PTCHD4: variants seen among roughly 807,000 people sequenced by gnomAD.
The protein encoded by PTCHD4 is patched domain containing 4.
A neutral mutation model predicts 58.1 loss-of-function variants in PTCHD4; 33 were observed. The ratio of observed to expected loss-of-function variants is 0.57; its 90% CI spans 0.43 to 0.76. The LOEUF (loss-of-function observed/expected upper bound fraction) is 0.76, where lower values mean the gene tolerates loss of function less well. PTCHD4 is among the 30% of genes least tolerant of loss of function. The pLI is 0.00. For synonymous variants in PTCHD4, 478 were observed against 409.6 expected, an observed-to-expected ratio of 1.17 and a Z score of -2.02; for missense variants, 1,058 against 1,027.1, an observed-to-expected ratio of 1.03 and a Z score of -0.41.
intron 3 of PTCHD4, among the ~76,000 whole-genome samples, chr6:48,062,488 C>T (rs906808856): frequency 4.6e-5 from 7 of 151,840 alleles, no homozygotes; most frequent in Non-Finnish European, 1.0e-4. Context: ...CTCTTTTAAT[C>T]CTTGACTTAG....
At chr6:48,075,345 T>A (rs1765043003) in intron 1 of PTCHD4, among the ~76,000 whole-genome samples, 1 of 152,038 alleles carries the variant, frequency 6.6e-6, no homozygotes, top group South Asian at 2.1e-4. Flanking sequence ...TATAAATGAA[T>A]CATAAGTATG....
chr6:47,944,429 T>C (rs2113931574), intron 4 of PTCHD4, among the ~76,000 whole-genome samples: 1 of 152,222 alleles, frequency 6.6e-6, no homozygotes, highest in East Asian at 1.9e-4. Flanking sequence ...AAAATTGCCC[T>C]TAAAGAATAA....
intron 3 of PTCHD4, among the ~76,000 whole-genome samples, chr6:48,018,344 C>G (rs961585190): frequency 1.3e-5 from 2 of 152,102 alleles, no homozygotes; most frequent in African/African-American, 4.8e-5. Flanking sequence ...GTTAATGATT[C>G]ATTGGTGGTA....
intron 3 of PTCHD4, among the ~76,000 whole-genome samples, chr6:48,018,426 A>G (rs925665230): frequency 6.6e-6 from 1 of 152,226 alleles, no homozygotes; most frequent in Non-Finnish European, 1.5e-5. Context: ...AATAAAAAGG[A>G]AGGGAAAACA....
At chr6:47,948,126 AGG>A (rs1280214998) in intron 4 of PTCHD4, among the ~76,000 whole-genome samples, 1 of 152,184 alleles carries the variant, frequency 6.6e-6, no homozygotes, top group South Asian at 2.1e-4. Flanking sequence ...GAGCTAGGGA[AGG>A]GTCCATTTCC....
intron 4 of PTCHD4, among the ~76,000 whole-genome samples, chr6:47,964,956 A>G (rs2113975786): frequency 6.6e-6 from 1 of 152,300 alleles, no homozygotes; most frequent in South Asian, 2.1e-4. Context: ...TTTTGGCAAT[A>G]AAATACTTTC....
chr6:48,092,130 A>C (rs2113903383), intron 1 of PTCHD4, among the ~76,000 whole-genome samples: 1 of 152,332 alleles, frequency 6.6e-6, no homozygotes, highest in African/African-American at 2.4e-5. Context: ...TACCCTGAAC[A>C]AAAATGATTC....
At chr6:47,990,228 G>A (rs1470364719) in intron 4 of PTCHD4, among the ~76,000 whole-genome samples, 1 of 152,154 alleles carries the variant, frequency 6.6e-6, no homozygotes, top group African/African-American at 2.4e-5. Flanking sequence ...CAGGATCATA[G>A]GCGGAAGGGA....
At chr6:48,085,845 C>G (rs187652182) in intron 1 of PTCHD4, among the ~76,000 whole-genome samples, 1 of 151,988 alleles carries the variant, frequency 6.6e-6, no homozygotes, top group Non-Finnish European at 1.5e-5. Flanking sequence ...GGATGTGATG[C>G]GTGCTTAGTC....
chr6:47,943,789 G>A (rs1048336450), intron 4 of PTCHD4, among the ~76,000 whole-genome samples: 3 of 151,956 alleles, frequency 2.0e-5, no homozygotes, highest in Admixed American at 6.6e-5. Flanking sequence ...CTTTCCCCTG[G>A]TTTAGGTTAG....
intron 4 of PTCHD4, among the ~76,000 whole-genome samples, chr6:47,950,365 C>T (rs1766596324): frequency 6.6e-6 from 1 of 152,046 alleles, no homozygotes; most frequent in African/African-American, 2.4e-5. Context: ...ATTACAGAGG[C>T]TCAGGTGAGC....
chr6:47,964,312 G>A (rs956123479), intron 4 of PTCHD4, among the ~76,000 whole-genome samples: 4 of 151,532 alleles, frequency 2.6e-5, no homozygotes, highest in African/African-American at 9.8e-5. Flanking sequence ...CATGTTAAGT[G>A]TTATTACCAC....
At chr6:48,040,340 T>A (rs1007935862) in intron 3 of PTCHD4, among the ~76,000 whole-genome samples, 1 of 152,052 alleles carries the variant, frequency 6.6e-6, no homozygotes, top group Admixed American at 6.6e-5. Context: ...CAAGTGTTCA[T>A]CCTAACTTTT....
At chr6:47,912,096 T>C (rs1004848243) in intron 4 of PTCHD4, among the ~76,000 whole-genome samples, 1 of 152,044 alleles carries the variant, frequency 6.6e-6, no homozygotes. Context: ...GAATAGAGAA[T>C]TGACCATTTG....
chr6:47,892,515 A>T (rs1764411499), intron 4 of PTCHD4, among the ~76,000 whole-genome samples: 1 of 152,228 alleles, frequency 6.6e-6, no homozygotes, highest in East Asian at 1.9e-4. Context: ...TGAATTTAAC[A>T]GTTCATTAAT....
intron 3 of PTCHD4, among the ~76,000 whole-genome samples, chr6:48,031,179 A>C (rs763232609): frequency 2.0e-5 from 3 of 152,050 alleles, no homozygotes; most frequent in Non-Finnish European, 2.9e-5. Flanking sequence ...ATCTAGTCTA[A>C]TTCTAATCAC....
chr6:47,869,625 T>A lies in PTCHD4; in HGVS notation c.*8678A>T, dbSNP rs1293791564. Among the ~76,000 whole-genome samples, 1 of 151,630 alleles carries A rather than the reference T, an allele frequency of 6.6e-6. No homozygotes were observed. Among genetic ancestry groups the A allele is most frequent in the African/African-American group, 2.4e-5 (1 of 41,372 alleles). On this transcript the variant is annotated 3_prime_UTR_variant, in exon 5 of 5. Coordinates refer to ENST00000339488, the MANE Select transcript of PTCHD4 (RefSeq NM_001384253.1). ...TATCTCTCAGGAATGCCAAGACATT[T>A]TGTATTTGCTTCAGAATGCTTTATC...
At chr6:47,974,383 G>C (rs779552201) in intron 4 of PTCHD4, among the ~76,000 whole-genome samples, 1 of 152,208 alleles carries the variant, frequency 6.6e-6, no homozygotes, top group Non-Finnish European at 1.5e-5. Flanking sequence ...TTGAGAGCTA[G>C]AAGTGTTTTA....
At chr6:48,025,224 G>A (rs997314687) in intron 3 of PTCHD4, among the ~76,000 whole-genome samples, 5 of 152,048 alleles carry the variant, frequency 3.3e-5, no homozygotes, top group East Asian at 1.9e-4. Flanking sequence ...CATCTTCCCC[G>A]TGGATGGTAG....
Sources: gnomAD v4.1 joint callset for allele counts (sites outside exome capture counted in the v4.1 genomes callset) on GRCh38, gnomAD v4.1.1 for gene constraint, MANE v1.5 for transcripts, NCBI Gene and HGNC (gene_info 2026-07-23, HGNC 2026-07-21) for gene names.